The following RNF213 variants were observed in gnomAD, a reference collection of about 807,000 sequenced individuals.
RNF213 encodes E3 ubiquitin-protein ligase RNF213.
In RNF213, 341 loss-of-function variants were observed where a neutral mutation model predicts 514.4. That is an observed-to-expected ratio of 0.66 (90% CI 0.61 to 0.73). The LOEUF is 0.73. Among genes scored for constraint, RNF213 ranks in the 30% least tolerant of loss-of-function variants. The pLI is 0.00. For synonymous variants in RNF213, 2,655 were observed against 2,658.2 expected (o/e 1.00, Z 0.04); for missense variants, 5,767 against 6,615.6 (o/e 0.87, Z 4.45).
intron 2 of RNF213, among the ~76,000 whole-genome samples, chr17:80,266,728 C>T (rs1453254296): frequency 6.6e-6 from 1 of 151,926 alleles, no homozygotes; most frequent in African/African-American, 2.4e-5. Context: ...TATCAAACTC[C>T]TGACCTCAAG....
Position 80,353,860 on chromosome 17 carries a change from T to TG in RNF213, c.10579-153dup, listed in dbSNP as rs2078627019. 2.5e-6 allele frequency: 3 copies of TG among 1,189,902 alleles called. No homozygotes were observed. Among genetic ancestry groups the TG allele is most frequent in the Non-Finnish European group, 1.2e-6 (1 of 823,062 alleles). 73.7% of individuals were successfully genotyped at this position (1,189,902 alleles called of 1,614,324 possible). A position where few individuals can be genotyped will look rare whatever the true frequency, so the allele number is the denominator to read the frequency against. On this transcript the variant is annotated intron_variant, in intron 34 of 67. Coordinates refer to ENST00000582970, the MANE Select transcript of RNF213 (RefSeq NM_001256071.3). This position sits in a 1 kb window ranked among gnomAD's most constrained non-coding sequence, Gnocchi z 5.0. ...GTCAAGGGCATCTGCACCGGCAGTT[T>TG]GGGGGGTGCAGGGCGGAGGTCGGCG...
At chr17:80,309,295 C>A in intron 14 of RNF213, 124 bp downstream of exon 14, 1 of 1,171,026 alleles carries the variant, frequency 8.5e-7, no homozygotes, top group Non-Finnish European at 1.3e-6. Flanking sequence ...GTGGTTTCAG[C>A]AGTGGACATT....
chr17:80,337,516 A>G (rs2078021612), intron 23 of RNF213, 70 bp from the exon 24 acceptor site: 2 of 1,512,508 alleles, frequency 1.3e-6, no homozygotes, highest in Middle Eastern at 2.1e-4. Context: ...CGGGAGGCCG[A>G]CCACAGGAGG....
rs142707121 is a variant in RNF213 at position 80,263,028 on chromosome 17, A to G, written c.-108-546A>G. Among the ~76,000 whole-genome samples the G allele has an allele frequency of 7.0e-3, 1,070 of 152,300 alleles. 16 individuals are homozygous for G. Among genetic ancestry groups the G allele is most frequent in the African/African-American group, 0.025 (1,030 of 41,562 alleles). On this transcript the variant is annotated intron_variant, in intron 1 of 67. Transcript: ENST00000582970. The surrounding 1 kb of genome is among the most constrained non-coding windows in gnomAD (Gnocchi z 4.9). ...TTAGGTGGCCAAGCGCCCAAACGCC[A>G]TCTCCACTCTCACCCTGGATGCAAG...
At position 80,367,974 on chromosome 17, in the gene RNF213, C is replaced by G; in HGVS notation, c.11986C>G (p.Pro3996Ala). The G allele has an allele frequency of 6.2e-7, 1 of 1,614,248 alleles. No individual in the cohort carries two copies. Among genetic ancestry groups the G allele is most frequent in the Non-Finnish European group, 8.5e-7 (1 of 1,180,040 alleles). Residue 3996 changes from proline to alanine, a missense_variant, in exon 44 of 68, where the codon CCG becomes GCG. This residue lies in a region of RNF213 where 355 missense variants were observed against 358.0 expected (regional missense o/e 0.99). Transcript: ENST00000582970. ...SKTLSRFGIQ[P>A]CSICLGDAKD... ...CTTGGATTCTAGGTTTGGGATTCAG[C>G]CGTGCTCCATCTGCCTGGGAGATGC... is the stretch of plus-strand genomic sequence containing the variant.
intron 3 of RNF213, chr17:80,278,629 T>C: frequency 9.2e-7 from 1 of 1,089,850 alleles, no homozygotes; most frequent in Non-Finnish European, 1.3e-6. Context: ...AGCTGGTCAG[T>C]GCCCACATGT....
chr17:80,273,053 G>T (rs2043878995), intron 2 of RNF213, among the ~76,000 whole-genome samples, 188 bp from the exon 3 acceptor site: 1 of 151,980 alleles, frequency 6.6e-6, no homozygotes, highest in South Asian at 2.1e-4. Flanking sequence ...CTGAAACTGG[G>T]GTCCCTGGTT....
Position 80,339,543 on chromosome 17 carries a change from C to G in RNF213, c.5176C>G (p.Leu1726Val). 1 of 1,537,230 alleles carries G rather than the reference C, an allele frequency of 6.5e-7. No individual in the cohort carries two copies. Among genetic ancestry groups the G allele is most frequent in the Non-Finnish European group, 8.7e-7 (1 of 1,146,902 alleles). ...LRKQPPSDAALTMLSFIKSNC... is the reference protein window; with the variant it reads ...LRKQPPSDAAVTMLSFIKSNC... ...GAAGCAGCCCCCGAGTGATGCCGCC[C>G]TAACGATGCTATCCTTCATCAAAAG... The change falls in exon 26 of 68, where the codon CTA (leucine) becomes GTA (valine). Residue 1726 changes from leucine (L) to valine (V), a missense_variant. Leu to Val is a conservative substitution (Grantham distance 32). Transcript: ENST00000582970.
intron 10 of RNF213, among the ~76,000 whole-genome samples, 168 bp downstream of exon 10, chr17:80,295,981 G>A (rs1012045315): frequency 2.0e-5 from 3 of 152,116 alleles, no homozygotes; most frequent in African/African-American, 4.8e-5. Context: ...CCTAGCATCT[G>A]TCTTATTTTT....
In RNF213 at chr17:80,354,656, T is replaced by C. The variant is rs1210535276; in HGVS notation, c.10862+80T>C. ...CCTGCCTGCAGGGATCCTCTCTCCA[T>C]CCGGGCCATGGGGACTGAGCTGTTT... On this transcript the variant is annotated intron_variant, in intron 36 of 67. Coordinates refer to ENST00000582970, the MANE Select transcript of RNF213 (RefSeq NM_001256071.3). The C allele has an allele frequency of 2.6e-6, 4 of 1,548,164 alleles. No homozygotes were observed. The East Asian group carries it at 9.0e-5, about 35-fold the overall frequency.
At position 80,339,863 on chromosome 17, in the gene RNF213, C is replaced by T. The variant is rs979372353; in HGVS notation, c.5496C>T (p.Leu1832=). Residue 1832 remains leucine, a synonymous_variant, in exon 26 of 68, where the codon CTC becomes CTT. Coordinates refer to ENST00000582970, the MANE Select transcript of RNF213 (RefSeq NM_001256071.3). The part of the protein sequence containing the change: ...PRGLQVGQPN[L]VVCGHSEVLP... ...GTCTGCAGGTCGGCCAGCCCAACCTCGTCGTCTGTGGCCACTCCGAGGTGT... is the reference window on the plus strand; with the variant it reads ...GTCTGCAGGTCGGCCAGCCCAACCTTGTCGTCTGTGGCCACTCCGAGGTGT... 17 of 1,536,860 alleles carry T rather than the reference C, an allele frequency of 1.1e-5. No individual in the cohort carries two copies. Among genetic ancestry groups the T allele is most frequent in the Middle Eastern group, 1.7e-4 (1 of 6,012 alleles).
At chr17:80,338,926 C>G (rs373184907) in intron 25 of RNF213, among the ~76,000 whole-genome samples, 1 of 145,070 alleles carries the variant, frequency 6.9e-6, no homozygotes, top group Non-Finnish European at 1.5e-5. Flanking sequence ...CCAGCCTGGG[C>G]AACAATGCAA....
intron 17 of RNF213, among the ~76,000 whole-genome samples, chr17:80,324,340 A>G (rs1343092114): frequency 6.6e-6 from 1 of 152,178 alleles, no homozygotes; most frequent in African/African-American, 2.4e-5. Flanking sequence ...CTTTTCCCGT[A>G]TCTACTGAAA....
At chr17:80,283,010 T>G (rs531016676) in intron 3 of RNF213, among the ~76,000 whole-genome samples, 1 of 152,134 alleles carries the variant, frequency 6.6e-6, no homozygotes, top group Non-Finnish European at 1.5e-5. Context: ...ATTCAATATT[T>G]TAATGTAAAA....
At chr17:80,369,005 CAA>C (rs1288293264) in intron 44 of RNF213, among the ~76,000 whole-genome samples, 1 of 152,194 alleles carries the variant, frequency 6.6e-6, no homozygotes, top group Non-Finnish European at 1.5e-5. Flanking sequence ...TCCAAATGAT[CAA>C]AGTGTTTCCA....
rs373643553 is a variant in RNF213 at position 80,377,772 on chromosome 17, C to T, written c.13521C>T (p.Asn4507=). Residue 4507 remains asparagine (N), a synonymous_variant, in exon 54 of 68, where the codon AAC becomes AAT. Transcript: ENST00000582970. This position sits in a 1 kb window ranked among gnomAD's most constrained non-coding sequence, Gnocchi z 4.1. ...LERVHWYTCP[N]GHPCSVGECG... ...CTGTTCTCTTCACAGCTTGTCCCAACGGCCATCCTTGCTCCGTGGGAGAGG... is the reference window on the plus strand; with the variant it reads ...CTGTTCTCTTCACAGCTTGTCCCAATGGCCATCCTTGCTCCGTGGGAGAGG... 57 of 1,614,162 alleles carry T rather than the reference C, an allele frequency of 3.5e-5. No homozygotes were observed. The East Asian group carries it at 6.9e-4, about 20-fold the overall frequency.
chr17:80,350,278 G>A (rs1443570885), intron 30 of RNF213, 23 bp from the exon 31 acceptor site: 1 of 1,425,538 alleles, frequency 7.0e-7, no homozygotes, highest in South Asian at 1.1e-5. Flanking sequence ...GAACTCACTT[G>A]AATAACTTCC....
intron 1 of RNF213, among the ~76,000 whole-genome samples, chr17:80,262,350 C>T (rs2043452605): frequency 6.6e-6 from 1 of 152,166 alleles, no homozygotes; most frequent in South Asian, 2.1e-4. Flanking sequence ...GGAACCTCAT[C>T]AAAGAGAAGA....
chr17:80,389,253 C>G lies in RNF213; in HGVS notation c.15081C>G (p.Val5027=). Residue 5027 remains valine (V), a synonymous_variant, in exon 65 of 68, where the codon GTC becomes GTG. Transcript: ENST00000582970. ...SYSDACEVLS[V]VEVTLGFLST... Reference sequence around the variant, plus strand: ...GCGATGCCTGTGAAGTGCTGTCTGTCGTAGAAGTCACTCTGGGGTTTCTGA... The same window carrying G: ...GCGATGCCTGTGAAGTGCTGTCTGTGGTAGAAGTCACTCTGGGGTTTCTGA... The G allele has an allele frequency of 3.7e-6, 6 of 1,614,202 alleles. No individual in the cohort carries two copies. The highest frequency in any genetic ancestry group is 1.1e-5 in the South Asian group (1 of 91,086).
Sources: allele counts gnomAD v4.1 joint callset (sites outside exome capture counted in the v4.1 genomes callset), GRCh38; gene constraint gnomAD v4.1.1; regional missense constraint gnomAD v4.1.1; non-coding constraint Gnocchi (gnomAD v3.1); transcripts MANE v1.5; gene names NCBI Gene and HGNC (gene_info 2026-07-23, HGNC 2026-07-21).